Variants in POU3F3 observed in about 807,000 individuals in gnomAD.
POU3F3 encodes the protein POU class 3 homeobox 3.
A neutral mutation model predicts 8.6 loss-of-function variants in POU3F3; 1 was observed. The ratio of observed to expected loss-of-function variants is 0.12; its 90% confidence interval spans 0.04 to 0.55. POU3F3 has a LOEUF of 0.55. Among genes scored for constraint, POU3F3 ranks in the 20% least tolerant of loss-of-function variants. POU3F3 has a pLI of 0.91. For synonymous variants in POU3F3, 418 were observed against 327.4 expected (o/e 1.28, Z -2.99); for missense variants, 577 against 690.7 (o/e 0.84, Z 1.84).
chr2:104,855,425 CG>C lies in POU3F3; in HGVS notation c.-84del. 3.4e-6 allele frequency: 2 copies of C among 584,796 alleles called. No individual in the cohort carries two copies. The highest frequency in any genetic ancestry group is 4.2e-6 in the Non-Finnish European group (2 of 478,470). The allele number at this position is 584,796 out of a possible 1,614,324, so 36.2% of individuals were successfully genotyped here. ...AGGAGGCGGGAGGCGGGGGGCGCGGCGGCGGCGGCGGCGGCGGCGGCCGCGG... is the reference window on the plus strand; with the variant it reads ...AGGAGGCGGGAGGCGGGGGGCGCGGCGCGGCGGCGGCGGCGGCGGCCGCGG... On this transcript the variant is annotated 5_prime_UTR_variant, in exon 1 of 1. Transcript: ENST00000361360.
the POU3F3 span, among the ~76,000 whole-genome samples, chr2:104,891,664 G>C: frequency 2.0e-5 from 3 of 152,144 alleles, no homozygotes; most frequent in Admixed American, 2.0e-4. Context: ...GCCTTTGGTT[G>C]GTGTGGGGGC....
At chr2:104,927,397 AAG>A in the POU3F3 span, among the ~76,000 whole-genome samples, 1 of 152,132 alleles carries the variant, frequency 6.6e-6, no homozygotes, top group Non-Finnish European at 1.5e-5. Flanking sequence ...AGGGGGTAGA[AAG>A]GGGGTAGAGA....
chr2:104,907,165 C>T, the POU3F3 span, among the ~76,000 whole-genome samples: 4 of 152,134 alleles, frequency 2.6e-5, no homozygotes, highest in Non-Finnish European at 4.4e-5. Flanking sequence ...GCTCTTTCCC[C>T]GTTCCGTTTG....
At chr2:104,902,937 G>C in the POU3F3 span, among the ~76,000 whole-genome samples, 1 of 152,104 alleles carries the variant, frequency 6.6e-6, no homozygotes, top group African/African-American at 2.4e-5. Flanking sequence ...ATCGCGCTTA[G>C]TTCCTCCAGC....
chr2:104,871,937 G>A, the POU3F3 span, among the ~76,000 whole-genome samples: 1 of 152,156 alleles, frequency 6.6e-6, no homozygotes, highest in Non-Finnish European at 1.5e-5. Flanking sequence ...GCGACGGCCA[G>A]CGAAAGTTTC....
At chr2:104,921,898 G>C in the POU3F3 span, among the ~76,000 whole-genome samples, 1 of 152,220 alleles carries the variant, frequency 6.6e-6, no homozygotes, top group African/African-American at 2.4e-5. Context: ...TCAGGAGGCT[G>C]AGGCAGGAGA....
chr2:104,854,993 C>T lies in POU3F3; in HGVS notation c.-518C>T, dbSNP rs1573318709. ...TTAGCAGGTGGACGGAGCCCCGCGA[C>T]CGGGCAGAGTCCGGGCTCGCCCGAG... On this transcript the variant is annotated 5_prime_UTR_variant, in exon 1 of 1. Coordinates refer to ENST00000361360, the MANE Select transcript of POU3F3 (RefSeq NM_006236.3). The surrounding 1 kb of genome is among the most constrained non-coding windows in gnomAD (Gnocchi z 4.5). 2.6e-5 allele frequency among the ~76,000 whole-genome samples: 4 copies of T among 152,186 alleles called. No homozygotes were observed. Among genetic ancestry groups the T allele is most frequent in the African/African-American group, 9.6e-5 (4 of 41,454 alleles).
At chr2:104,886,384 T>C in the POU3F3 span, among the ~76,000 whole-genome samples, 1 of 152,204 alleles carries the variant, frequency 6.6e-6, no homozygotes, top group African/African-American at 2.4e-5. Flanking sequence ...CAGTGACATG[T>C]TGTACAGGTC....
chr2:104,896,995 C>T, the POU3F3 span, among the ~76,000 whole-genome samples: 4 of 152,172 alleles, frequency 2.6e-5, no homozygotes, highest in Non-Finnish European at 1.5e-5. Flanking sequence ...GGCATTGCAC[C>T]TTTGAGTCCT....
the POU3F3 span, among the ~76,000 whole-genome samples, chr2:104,907,181 C>T: frequency 6.6e-6 from 1 of 152,194 alleles, no homozygotes; most frequent in African/African-American, 2.4e-5. Context: ...GTTTGTGCTT[C>T]CTTCTCTGCC....
chr2:104,918,072 C>T, the POU3F3 span, among the ~76,000 whole-genome samples: 1 of 152,204 alleles, frequency 6.6e-6, no homozygotes, highest in Non-Finnish European at 1.5e-5. Flanking sequence ...ATAAGAATAA[C>T]TTCTGCTATG....
chr2:104,873,949 A>C, the POU3F3 span, among the ~76,000 whole-genome samples: 1 of 152,302 alleles, frequency 6.6e-6, no homozygotes, highest in South Asian at 2.1e-4. Flanking sequence ...ACCCGGTGTC[A>C]TGCAAGCTCT....
In POU3F3 at chr2:104,854,333, C is replaced by T. The variant is rs1432809145; in HGVS notation, c.-1178C>T. 1.3e-5 allele frequency among the ~76,000 whole-genome samples: 2 copies of T among 152,320 alleles called. No individual in the cohort carries two copies. Among genetic ancestry groups the T allele is most frequent in the East Asian group, 3.9e-4 (2 of 5,174 alleles). On this transcript the variant is annotated 5_prime_UTR_variant, in exon 1 of 1. Coordinates refer to ENST00000361360, the MANE Select transcript of POU3F3 (RefSeq NM_006236.3). The surrounding 1 kb of genome is among the most constrained non-coding windows in gnomAD (Gnocchi z 4.5). ...CCGTCGGTGCACTCTACGAGCCGTG[C>T]AGCGTGCCCACTGGAGTTGTTGTGT...
the POU3F3 span, among the ~76,000 whole-genome samples, chr2:104,887,044 C>A: frequency 6.6e-6 from 1 of 152,122 alleles, no homozygotes; most frequent in African/African-American, 2.4e-5. Flanking sequence ...ATATGCTAAA[C>A]AAGGCATGGA....
At chr2:104,862,496 G>A (rs996139755), downstream of POU3F3, among the ~76,000 whole-genome samples, 2 of 152,152 alleles carry the variant, frequency 1.3e-5, no homozygotes, top group Admixed American at 6.5e-5. Flanking sequence ...AGGCGGAGGG[G>A]GAGGGGGACC....
In POU3F3 at chr2:104,855,438, G is replaced by GGCGGCGGCC; in HGVS notation, c.-67_-59dup. On this transcript the variant is annotated 5_prime_UTR_variant, in exon 1 of 1. Coordinates refer to ENST00000361360, the MANE Select transcript of POU3F3 (RefSeq NM_006236.3). Reference sequence around the variant, plus strand: ...CGGGGGGCGCGGCGGCGGCGGCGGCGGCGGCGGCCGCGGCTGCTGCTGCGG... The same window carrying GGCGGCGGCC: ...CGGGGGGCGCGGCGGCGGCGGCGGCGGCGGCGGCCGCGGCGGCCGCGGCTGCTGCTGCGG... 1 of 792,992 alleles carries GGCGGCGGCC rather than the reference G, an allele frequency of 1.3e-6. No homozygotes were observed. The allele number at this position is 792,992 out of a possible 1,614,324, so 49.1% of individuals were successfully genotyped here.
At chr2:104,898,700 T>A in the POU3F3 span, among the ~76,000 whole-genome samples, 1 of 152,226 alleles carries the variant, frequency 6.6e-6, no homozygotes, top group Non-Finnish European at 1.5e-5. Flanking sequence ...ATTTTTCTGC[T>A]TGAATTTTTG....
At chr2:104,893,878 T>C in the POU3F3 span, among the ~76,000 whole-genome samples, 2 of 129,058 alleles carry the variant, frequency 1.5e-5, no homozygotes, top group African/African-American at 5.9e-5. Flanking sequence ...AGCAAAACTC[T>C]GTCTCAAAAA....
At chr2:104,927,701 T>C in the POU3F3 span, among the ~76,000 whole-genome samples, 1 of 145,212 alleles carries the variant, frequency 6.9e-6, no homozygotes, top group South Asian at 2.2e-4. Flanking sequence ...GAATTATAAT[T>C]GTGCCACTCT....
Sources: allele counts gnomAD v4.1 joint callset (sites outside exome capture counted in the v4.1 genomes callset), GRCh38; gene constraint gnomAD v4.1.1; non-coding constraint Gnocchi (gnomAD v3.1); transcripts MANE v1.5; gene names NCBI Gene and HGNC (gene_info 2026-07-23, HGNC 2026-07-21).